Variants in FAM13A observed in about 807,000 individuals in gnomAD.
The protein encoded by FAM13A is family with sequence similarity 13 member A.
In FAM13A, 76 loss-of-function variants were observed where a neutral mutation model predicts 129.6. The observed-to-expected ratio is 0.59, with a 90% CI of 0.49 to 0.71. The LOEUF (loss-of-function observed/expected upper bound fraction) is 0.71, where lower values mean the gene tolerates loss of function less well. Ranked by LOEUF, FAM13A falls within the 30% of genes least tolerant of loss-of-function variation. The pLI is 0.00. For missense variants in FAM13A, 1,108 were observed against 1,249.3 expected (o/e 0.89, Z 1.70); for synonymous variants, 443 against 449.9 (o/e 0.98, Z 0.20).
chr4:89,012,197 A>G (rs1765825995), intron 3 of FAM13A, among the ~76,000 whole-genome samples: 1 of 152,234 alleles, frequency 6.6e-6, no homozygotes, highest in Admixed American at 6.5e-5. Context: ...ACCTATTTCC[A>G]AAACACACAT....
At chr4:89,026,966 T>C (rs1243718804) in intron 2 of FAM13A, among the ~76,000 whole-genome samples, 3 of 152,166 alleles carry the variant, frequency 2.0e-5, no homozygotes, top group South Asian at 2.1e-4. Flanking sequence ...TTCCAATAAA[T>C]GATTCTTATC....
At chr4:88,853,777 G>A (rs900398022) in intron 6 of FAM13A, among the ~76,000 whole-genome samples, 1 of 152,204 alleles carries the variant, frequency 6.6e-6, no homozygotes, top group Non-Finnish European at 1.5e-5. Flanking sequence ...CTCAGTCTAG[G>A]TCGACACCAT....
chr4:88,916,560 C>T (rs1167135174), intron 5 of FAM13A, among the ~76,000 whole-genome samples: 1 of 152,118 alleles, frequency 6.6e-6, no homozygotes, highest in Non-Finnish European at 1.5e-5. Flanking sequence ...CTTAGAGAGG[C>T]TCTACTTTTT....
At chr4:89,012,846 A>C (rs548890102) in intron 3 of FAM13A, among the ~76,000 whole-genome samples, 1 of 152,256 alleles carries the variant, frequency 6.6e-6, no homozygotes, top group East Asian at 1.9e-4. Flanking sequence ...ACAGGATATA[A>C]TTCAAAGGCC....
chr4:88,906,969 G>T (rs1268419321), intron 5 of FAM13A, among the ~76,000 whole-genome samples: 1 of 152,192 alleles, frequency 6.6e-6, no homozygotes, highest in Admixed American at 6.5e-5. Flanking sequence ...AAGAATATAT[G>T]AGTATCTGTT....
intron 9 of FAM13A, among the ~76,000 whole-genome samples, chr4:88,788,760 T>C (rs1724504604): frequency 6.6e-6 from 1 of 152,106 alleles, no homozygotes; most frequent in Non-Finnish European, 1.5e-5. Context: ...TCAAACCTTG[T>C]TTTTCTTCGC....
intron 1 of FAM13A, among the ~76,000 whole-genome samples, chr4:89,056,239 A>G (rs889591588): frequency 6.6e-6 from 1 of 152,198 alleles, no homozygotes; most frequent in African/African-American, 2.4e-5. Flanking sequence ...AAATTATATA[A>G]TTGACAATTT....
At chr4:88,801,098 A>G (rs532942983) in intron 8 of FAM13A, among the ~76,000 whole-genome samples, 5 of 152,330 alleles carry the variant, frequency 3.3e-5, no homozygotes, top group Non-Finnish European at 7.4e-5. Context: ...TTGGAAAGCC[A>G]TTCCTCAGAA....
intron 6 of FAM13A, among the ~76,000 whole-genome samples, chr4:88,860,594 G>A (rs1246070414): frequency 1.3e-5 from 2 of 152,176 alleles, no homozygotes; most frequent in Non-Finnish European, 2.9e-5. Flanking sequence ...GTGCTGTTTT[G>A]GGGAACAGGA....
chr4:88,976,125 A>G (rs1229757101), intron 4 of FAM13A, among the ~76,000 whole-genome samples: 2 of 152,214 alleles, frequency 1.3e-5, no homozygotes, highest in African/African-American at 4.8e-5. Flanking sequence ...ATGCGGTTTC[A>G]TTTTTAAAAA....
chr4:88,750,647 A>G lies in FAM13A; in HGVS notation c.1727-10T>C, dbSNP rs776374878. On this transcript the variant is annotated splice_polypyrimidine_tract_variant and intron_variant, in intron 14 of 23. Coordinates refer to ENST00000264344, the MANE Select transcript of FAM13A (RefSeq NM_014883.4). ...AAAGCAGGGATAGGCTCTGGAAGAT[A>G]AGGGCAGTAAGATCAGGACTGTTCC... 6.4e-7 allele frequency: 1 copy of G among 1,567,342 alleles called. No individual in the cohort carries two copies. Among genetic ancestry groups the G allele is most frequent in the Admixed American group, 1.8e-5 (1 of 56,892 alleles).
intron 19 of FAM13A, among the ~76,000 whole-genome samples, chr4:88,743,482 T>C (rs1740653013): frequency 6.6e-6 from 1 of 152,218 alleles, no homozygotes; most frequent in Non-Finnish European, 1.5e-5. Context: ...CCTTATTTTT[T>C]AGATGATAAA....
intron 1 of FAM13A, among the ~76,000 whole-genome samples, chr4:89,052,852 T>C (rs930602155): frequency 1.3e-5 from 2 of 152,090 alleles, no homozygotes; most frequent in Admixed American, 6.6e-5. Flanking sequence ...TTCTCACATA[T>C]GTACAAAGAA....
At chr4:88,958,027 G>A (rs1579494238) in intron 4 of FAM13A, among the ~76,000 whole-genome samples, 1 of 151,972 alleles carries the variant, frequency 6.6e-6, no homozygotes. Flanking sequence ...GGGAAGCAGA[G>A]CATAAAGTTT....
At chr4:88,804,201 C>T (rs1008874677) in intron 8 of FAM13A, among the ~76,000 whole-genome samples, 3 of 151,944 alleles carry the variant, frequency 2.0e-5, no homozygotes, top group East Asian at 3.9e-4. Context: ...TGCAGTGAGT[C>T]GAGACCATGC....
chr4:88,772,259 A>G (rs1351313633), intron 11 of FAM13A, among the ~76,000 whole-genome samples: 2 of 152,202 alleles, frequency 1.3e-5, no homozygotes, highest in East Asian at 1.9e-4. Context: ...GATTAATGGC[A>G]TATTTGAATT....
chr4:88,753,485 A>T lies in FAM13A; in HGVS notation c.1727-2848T>A, dbSNP rs1237664895. On this transcript the variant is annotated intron_variant, in intron 14 of 23. Coordinates refer to ENST00000264344, the MANE Select transcript of FAM13A (RefSeq NM_014883.4). ...TATCAGTGACATTTTCTCCTAAAGC[A>T]TATAGTTAGGGTGAATGAATTCACT... 4 of 160,008 alleles carry T rather than the reference A, an allele frequency of 2.5e-5. No homozygotes were observed. The East Asian group carries it at 7.6e-4, about 30-fold the overall frequency. The allele number at this position is 160,008 out of a possible 1,614,324, so 9.9% of individuals were successfully genotyped here.
chr4:88,841,173 T>C (rs542466316), intron 7 of FAM13A, among the ~76,000 whole-genome samples: 1 of 152,232 alleles, frequency 6.6e-6, no homozygotes, highest in African/African-American at 2.4e-5. Context: ...TCATCAAAAT[T>C]AAAAATTTTG....
chr4:88,970,695 AAAG>A lies in FAM13A; in HGVS notation c.605+20275_605+20277del, dbSNP rs1263499273. On this transcript the variant is annotated intron_variant, in intron 4 of 23. Transcript: ENST00000264344. Reference sequence around the variant, plus strand: ...CACACTGCTAAATAACGTAGAGGTTAAAGAAGAAGTCATAATTGAAATTTTAAA... The same window carrying A: ...CACACTGCTAAATAACGTAGAGGTTAAAGAAGTCATAATTGAAATTTTAAA... 4.6e-5 allele frequency among the ~76,000 whole-genome samples: 7 copies of A among 152,284 alleles called. No individual in the cohort carries two copies. In the East Asian group the frequency reaches 7.7e-4, roughly 17 times the overall value.
Sources: gnomAD v4.1 joint callset for allele counts (sites outside exome capture counted in the v4.1 genomes callset) on GRCh38, gnomAD v4.1.1 for gene constraint, MANE v1.5 for transcripts, NCBI Gene and HGNC (gene_info 2026-07-23, HGNC 2026-07-21) for gene names.